The following PDZD2 variants were observed in gnomAD, a reference collection of about 807,000 sequenced individuals.
PDZD2 encodes PDZ domain containing 2, also known as PDZ domain-containing protein 2.
Under a neutral mutation model 220.7 loss-of-function variants are expected in PDZD2, and 90 were observed. The observed-to-expected ratio is 0.41, with a 90% CI of 0.34 to 0.49. The LOEUF (loss-of-function observed/expected upper bound fraction) is 0.49. Ranked by LOEUF, PDZD2 falls within the 20% of genes least tolerant of loss-of-function variation. PDZD2 has a pLI of 0.28. For synonymous variants in PDZD2, 1,375 were observed against 1,450.5 expected, an observed-to-expected ratio of 0.95 and a Z score of 1.18; for missense variants, 3,174 against 3,608.5, an observed-to-expected ratio of 0.88 and a Z score of 3.08.
At chr5:31,790,691 ATTTTTTTTTT>A (rs869296191) in intron 1 of PDZD2, among the ~76,000 whole-genome samples, 8 of 75,512 alleles carry the variant, frequency 1.1e-4, no homozygotes, top group African/African-American at 3.5e-4. Flanking sequence ...TATCTCTCTA[ATTTTTTTTTT>A]TTTTTTTTTT....
chr5:31,717,467 A>C (rs2150144338), intron 1 of PDZD2, among the ~76,000 whole-genome samples: 2 of 152,302 alleles, frequency 1.3e-5, no homozygotes, highest in African/African-American at 4.8e-5. Context: ...TTGCTACCAG[A>C]GAAAGGTGCC....
intron 2 of PDZD2, among the ~76,000 whole-genome samples, chr5:31,892,061 C>T (rs1234521974): frequency 6.6e-6 from 1 of 151,958 alleles, no homozygotes; most frequent in African/African-American, 2.4e-5. Context: ...CAGGTGTGCA[C>T]CACCATGCCT....
At chr5:31,658,691 C>T (rs1745648118) in intron 1 of PDZD2, among the ~76,000 whole-genome samples, 1 of 151,784 alleles carries the variant, frequency 6.6e-6, no homozygotes, top group Non-Finnish European at 1.5e-5. Flanking sequence ...GCAGTCTCGT[C>T]TCACTGCAAC....
chr5:31,818,412 C>T (rs1438721689), intron 2 of PDZD2, among the ~76,000 whole-genome samples: 1 of 152,154 alleles, frequency 6.6e-6, no homozygotes, highest in African/African-American at 2.4e-5. Context: ...CTCTCATCCA[C>T]CCTGTGCCTG....
chr5:31,977,893 G>A (rs1197729975), intron 2 of PDZD2, among the ~76,000 whole-genome samples: 1 of 152,190 alleles, frequency 6.6e-6, no homozygotes, highest in Non-Finnish European at 1.5e-5. Flanking sequence ...AGAATCACTT[G>A]AACCTGGGAG....
At chr5:31,850,107 A>C (rs1000657106) in intron 2 of PDZD2, among the ~76,000 whole-genome samples, 21 of 138,276 alleles carry the variant, frequency 1.5e-4, no homozygotes, top group East Asian at 1.3e-3. Flanking sequence ...TGTATATATA[A>C]GTATATATAC....
intron 2 of PDZD2, among the ~76,000 whole-genome samples, chr5:31,846,604 G>A (rs773756393): frequency 5.9e-5 from 9 of 152,194 alleles, no homozygotes; most frequent in Admixed American, 3.9e-4. Context: ...ACACCAATAA[G>A]TCACCACCCC....
At chr5:31,752,550 AAAAT>A (rs973003366) in intron 1 of PDZD2, among the ~76,000 whole-genome samples, 3 of 151,406 alleles carry the variant, frequency 2.0e-5, no homozygotes, top group Non-Finnish European at 2.9e-5. Flanking sequence ...CTCTGTCTCA[AAAAT>A]AAATAAATAA....
chr5:31,955,683 C>CT (rs34964306), intron 2 of PDZD2, among the ~76,000 whole-genome samples: 10,647 of 116,906 alleles, frequency 0.091, 507 homozygotes, highest in South Asian at 0.18. Flanking sequence ...GGGCTCTGTT[C>CT]TTTTTTTTTT....
At chr5:31,780,471 TTAAAG>T (rs1752999727) in intron 1 of PDZD2, among the ~76,000 whole-genome samples, 1 of 152,158 alleles carries the variant, frequency 6.6e-6, no homozygotes, top group Non-Finnish European at 1.5e-5. Flanking sequence ...TCAACGAACA[TTAAAG>T]TAGAGCATTT....
intron 6 of PDZD2, among the ~76,000 whole-genome samples, chr5:32,012,607 C>CG (rs1024275731): frequency 3.3e-5 from 5 of 151,826 alleles, no homozygotes; most frequent in Non-Finnish European, 7.4e-5. Context: ...AGGCTGGTCT[C>CG]GAACTCCTGA....
At chr5:32,053,559 G>A (rs528743796) in intron 9 of PDZD2, among the ~76,000 whole-genome samples, 68 of 152,298 alleles carry the variant, frequency 4.5e-4, no homozygotes, top group Admixed American at 3.5e-3. Flanking sequence ...CTAGTGCAGC[G>A]TAAATAGATC....
Position 32,098,593 on chromosome 5 carries a change from G to T in PDZD2, c.8177G>T (p.Gly2726Val). 1 of 1,614,144 alleles carries T rather than the reference G, an allele frequency of 6.2e-7. No homozygotes were observed. The highest frequency in any genetic ancestry group is 2.2e-5 in the East Asian group (1 of 44,880). The change falls in exon 23 of 25, where the codon GGT (glycine) becomes GTT (valine). Residue 2726 changes from glycine (G) to valine (V), a missense_variant. By Grantham distance (109) the Gly-to-Val change is moderately radical (BLOSUM62 -3). Around this residue, in one of 4 missense-constraint regions of PDZD2, gnomAD observed 631 missense variants for 789.9 expected, o/e 0.80. Coordinates refer to ENST00000438447, the MANE Select transcript of PDZD2 (RefSeq NM_178140.4). The surrounding 1 kb of genome is among the most constrained non-coding windows in gnomAD (Gnocchi z 4.1). Reference protein sequence around the residue: ...RQEPPTANGKGLLSRKTIPLE... With the variant: ...RQEPPTANGKVLLSRKTIPLE... Reference sequence around the variant, plus strand: ...GAGCCTCCCACAGCCAATGGGAAGGGTTTGCTGTCCAGAAAGACCATCCCC... The same window carrying T: ...GAGCCTCCCACAGCCAATGGGAAGGTTTTGCTGTCCAGAAAGACCATCCCC...
At chr5:31,733,671 C>G in intron 1 of PDZD2, among the ~76,000 whole-genome samples, 1 of 152,170 alleles carries the variant, frequency 6.6e-6, no homozygotes, top group Non-Finnish European at 1.5e-5. Context: ...GTGCAGAGTG[C>G]CAACTGGGAA....
chr5:31,714,587 T>G (rs1748326267), intron 1 of PDZD2, among the ~76,000 whole-genome samples: 1 of 152,146 alleles, frequency 6.6e-6, no homozygotes, highest in Non-Finnish European at 1.5e-5. Flanking sequence ...GGAGAGCTAA[T>G]GTTTATCCGG....
intron 1 of PDZD2, among the ~76,000 whole-genome samples, chr5:31,757,010 C>T (rs953287875): frequency 6.6e-6 from 1 of 152,216 alleles, no homozygotes; most frequent in Admixed American, 6.5e-5. Context: ...GTGGCTGGGT[C>T]GGGCGGTTCA....
intron 1 of PDZD2, among the ~76,000 whole-genome samples, chr5:31,783,757 A>G (rs1753202296): frequency 6.6e-6 from 1 of 152,110 alleles, no homozygotes; most frequent in African/African-American, 2.4e-5. Context: ...CCTGTCCTAA[A>G]TGTACCCAAC....
intron 8 of PDZD2, among the ~76,000 whole-genome samples, chr5:32,050,450 C>G (rs1388823246): frequency 6.6e-6 from 1 of 152,136 alleles, no homozygotes; most frequent in African/African-American, 2.4e-5. Context: ...ACTGTCCTTT[C>G]TTTTGTCTCC....
chr5:31,675,661 T>A (rs1377920286), intron 1 of PDZD2, among the ~76,000 whole-genome samples: 2 of 152,188 alleles, frequency 1.3e-5, no homozygotes, highest in Non-Finnish European at 2.9e-5. Context: ...TTACATTCTA[T>A]CAGTCCTTAT....
Sources: allele counts gnomAD v4.1 joint callset (sites outside exome capture counted in the v4.1 genomes callset), GRCh38; gene constraint gnomAD v4.1.1; regional missense constraint gnomAD v4.1.1; non-coding constraint Gnocchi (gnomAD v3.1); transcripts MANE v1.5; gene names NCBI Gene and HGNC (gene_info 2026-07-23, HGNC 2026-07-21).